The following CHCHD6 variants were observed in gnomAD, a reference collection of about 807,000 sequenced individuals.
CHCHD6 encodes the protein MICOS complex subunit MIC25.
CHCHD6 carries 28 observed loss-of-function variants against 32.3 expected under a neutral mutation model. The ratio of observed to expected loss-of-function variants is 0.87; its 90% confidence interval spans 0.64 to 1.19. The LOEUF is 1.19. Among genes scored for constraint, CHCHD6 ranks in the 50% most tolerant of loss-of-function variants. The pLI is 0.00. For missense variants in CHCHD6, 333 were observed against 307.0 expected, an observed-to-expected ratio of 1.08 and a Z score of -0.63; for synonymous variants, 122 against 117.5, an observed-to-expected ratio of 1.04 and a Z score of -0.25.
At chr3:126,861,011 T>G (rs1941839037) in intron 5 of CHCHD6, among the ~76,000 whole-genome samples, 1 of 152,126 alleles carries the variant, frequency 6.6e-6, no homozygotes, top group Non-Finnish European at 1.5e-5. Flanking sequence ...TTACTGGCCT[T>G]ATAGAGATGA....
At chr3:126,908,459 T>C (rs2078037021) in intron 5 of CHCHD6, among the ~76,000 whole-genome samples, 1 of 152,242 alleles carries the variant, frequency 6.6e-6, no homozygotes, top group African/African-American at 2.4e-5. Context: ...AACTAGGTCC[T>C]GATCATCTTT....
intron 5 of CHCHD6, among the ~76,000 whole-genome samples, chr3:126,905,020 G>A (rs1357155959): frequency 6.6e-6 from 1 of 152,200 alleles, no homozygotes; most frequent in Non-Finnish European, 1.5e-5. Context: ...TAGGCCAGGG[G>A]CGGGAGCAGT....
At chr3:126,862,155 C>A (rs1478825028) in intron 5 of CHCHD6, among the ~76,000 whole-genome samples, 3 of 59,290 alleles carry the variant, frequency 5.1e-5, no homozygotes, top group African/African-American at 2.3e-4. Context: ...TCACCACCTC[C>A]CCCTCCTCCA....
At chr3:126,860,621 G>A (rs952132989) in intron 5 of CHCHD6, among the ~76,000 whole-genome samples, 2 of 152,132 alleles carry the variant, frequency 1.3e-5, no homozygotes, top group Admixed American at 6.5e-5. Flanking sequence ...TTTTCACAAG[G>A]TTAGGCTGAA....
At chr3:126,895,896 C>T (rs759829020) in intron 5 of CHCHD6, among the ~76,000 whole-genome samples, 2 of 152,224 alleles carry the variant, frequency 1.3e-5, no homozygotes, top group African/African-American at 2.4e-5. Context: ...GACCTCTTGC[C>T]TCTGCTGCAC....
chr3:126,855,466 A>G (rs1449730823), intron 5 of CHCHD6, among the ~76,000 whole-genome samples: 2 of 152,244 alleles, frequency 1.3e-5, no homozygotes, highest in African/African-American at 4.8e-5. Flanking sequence ...GGTGCACAGC[A>G]GTACTGGGGG....
chr3:126,730,449 G>A, intron 2 of CHCHD6, 112 bp from the exon 3 acceptor site: 1 of 822,112 alleles, frequency 1.2e-6, no homozygotes, highest in Non-Finnish European at 2.0e-6. Flanking sequence ...CTGTGATGCT[G>A]CCTTCCAAGG....
chr3:126,744,856 T>C lies in CHCHD6; in HGVS notation c.411+11634T>C, dbSNP rs540564693. On this transcript the variant is annotated intron_variant, in intron 4 of 7. Coordinates refer to ENST00000290913, the MANE Select transcript of CHCHD6 (RefSeq NM_032343.3). The stretch of plus-strand genomic sequence containing the variant: ...GCGTGCACCACCACACCTGGCTAAT[T>C]TTTATATTTTTAGTAGAGACAGGGT... Among the ~76,000 whole-genome samples the C allele has an allele frequency of 4.6e-4, 70 of 152,178 alleles. 2 individuals are homozygous for C. In the South Asian group the frequency reaches 0.015, roughly 32 times the overall value.
intron 4 of CHCHD6, among the ~76,000 whole-genome samples, chr3:126,738,372 G>C (rs1936145102): frequency 6.6e-6 from 1 of 152,164 alleles, no homozygotes; most frequent in South Asian, 2.1e-4. Flanking sequence ...GTGGCCGACT[G>C]TATCATGACT....
At chr3:126,816,366 G>A (rs926837264) in intron 4 of CHCHD6, among the ~76,000 whole-genome samples, 2 of 152,124 alleles carry the variant, frequency 1.3e-5, no homozygotes, top group African/African-American at 4.8e-5. Flanking sequence ...TGGTTGTAAG[G>A]GCTTTAGAGC....
chr3:126,749,521 A>G (rs2107667199), intron 4 of CHCHD6, among the ~76,000 whole-genome samples: 1 of 152,234 alleles, frequency 6.6e-6, no homozygotes, highest in Non-Finnish European at 1.5e-5. Flanking sequence ...TCCTTCTATC[A>G]GTTATGGTCT....
At chr3:126,777,077 A>G (rs62263275) in intron 4 of CHCHD6, among the ~76,000 whole-genome samples, 5,298 of 151,990 alleles carry the variant, frequency 0.035, 144 homozygotes, top group Non-Finnish European at 0.05. Context: ...CACCTGCCAC[A>G]CCAGCCATTC....
chr3:126,794,425 T>C (rs1938694408), intron 4 of CHCHD6, among the ~76,000 whole-genome samples: 1 of 148,424 alleles, frequency 6.7e-6, no homozygotes, highest in Admixed American at 6.8e-5. Context: ...TATATATTTA[T>C]ATATATACAT....
At chr3:126,780,939 G>A (rs78709104) in intron 4 of CHCHD6, among the ~76,000 whole-genome samples, 1 of 152,100 alleles carries the variant, frequency 6.6e-6, no homozygotes, top group Non-Finnish European at 1.5e-5. Flanking sequence ...TGGTCACAAG[G>A]CATCCAGTCC....
At chr3:126,873,329 G>A (rs142503376) in intron 5 of CHCHD6, among the ~76,000 whole-genome samples, 213 of 152,178 alleles carry the variant, frequency 1.4e-3, no homozygotes, top group African/African-American at 5.0e-3. Flanking sequence ...TCTTTCTCCC[G>A]AAGCTCTCTC....
At chr3:126,740,461 T>C (rs1936245635) in intron 4 of CHCHD6, among the ~76,000 whole-genome samples, 1 of 152,160 alleles carries the variant, frequency 6.6e-6, no homozygotes. Flanking sequence ...TAGTGCACCC[T>C]GTTTGTTGTC....
chr3:126,808,483 T>C (rs1259744468), intron 4 of CHCHD6, among the ~76,000 whole-genome samples: 3 of 152,146 alleles, frequency 2.0e-5, no homozygotes, highest in Non-Finnish European at 4.4e-5. Flanking sequence ...TCAAAATGTT[T>C]GTAGAAAAAT....
intron 5 of CHCHD6, among the ~76,000 whole-genome samples, chr3:126,882,595 A>G (rs149969285): frequency 0.012 from 1,792 of 152,314 alleles, 93 homozygotes; most frequent in Admixed American, 0.093. Context: ...GCCAGGCCCT[A>G]TATTAGGCAC....
At chr3:126,733,526 G>A (rs1225513636) in intron 4 of CHCHD6, among the ~76,000 whole-genome samples, 1 of 152,244 alleles carries the variant, frequency 6.6e-6, no homozygotes, top group African/African-American at 2.4e-5. Context: ...AAACTTCACA[G>A]ATGTCAGGGC....
Sources: allele counts gnomAD v4.1 joint callset (sites outside exome capture counted in the v4.1 genomes callset), GRCh38; gene constraint gnomAD v4.1.1; transcripts MANE v1.5; gene names NCBI Gene and HGNC (gene_info 2026-07-23, HGNC 2026-07-21).